MACROD2: variants seen among roughly 807,000 people sequenced by gnomAD.
MACROD2 encodes ADP-ribose glycohydrolase MACROD2.
A neutral mutation model predicts 70.4 loss-of-function variants in MACROD2; 36 were observed. The ratio of observed to expected loss-of-function variants is 0.51; its 90% CI spans 0.39 to 0.68. The LOEUF is 0.68. Among genes scored for constraint, MACROD2 ranks in the 30% least tolerant of loss-of-function variants. The pLI is 0.00. For synonymous variants in MACROD2, 172 were observed against 178.8 expected, an observed-to-expected ratio of 0.96 and a Z score of 0.30; for missense variants, 496 against 538.4, an observed-to-expected ratio of 0.92 and a Z score of 0.78.
At chr20:15,458,739 G>A (rs1170233701) in intron 7 of MACROD2, among the ~76,000 whole-genome samples, 1 of 151,576 alleles carries the variant, frequency 6.6e-6, no homozygotes, top group African/African-American at 2.4e-5. Flanking sequence ...AAAGTTCCAT[G>A]GGTATTTCCA....
At chr20:15,145,526 A>G (rs1305155442) in intron 5 of MACROD2, among the ~76,000 whole-genome samples, 3 of 152,138 alleles carry the variant, frequency 2.0e-5, no homozygotes, top group Non-Finnish European at 4.4e-5. Context: ...TATTCCAAAG[A>G]CATCTAAATA....
chr20:15,172,267 A>T (rs912905982), intron 5 of MACROD2, among the ~76,000 whole-genome samples: 1 of 152,186 alleles, frequency 6.6e-6, no homozygotes, highest in Non-Finnish European at 1.5e-5. Flanking sequence ...GGAAAAAAAA[A>T]TGGAGGTTGG....
chr20:16,011,622 G>A (rs1265370115), intron 15 of MACROD2, among the ~76,000 whole-genome samples: 1 of 147,664 alleles, frequency 6.8e-6, no homozygotes, highest in African/African-American at 2.5e-5. Context: ...CCCAGCTCAA[G>A]CGCAAGCCCG....
chr20:14,525,196 A>G (rs909547778), intron 4 of MACROD2, among the ~76,000 whole-genome samples: 2 of 152,192 alleles, frequency 1.3e-5, no homozygotes, highest in African/African-American at 4.8e-5. Flanking sequence ...TCTAATTACC[A>G]TGTATAATAG....
chr20:15,781,476 C>T (rs2051830033), intron 8 of MACROD2, among the ~76,000 whole-genome samples: 1 of 152,050 alleles, frequency 6.6e-6, no homozygotes, highest in Non-Finnish European at 1.5e-5. Flanking sequence ...GCTGGGAAGT[C>T]CAAGATCAAG....
chr20:15,644,789 A>G (rs993050693), intron 8 of MACROD2, among the ~76,000 whole-genome samples: 10 of 152,154 alleles, frequency 6.6e-5, no homozygotes, highest in Admixed American at 2.0e-4. Flanking sequence ...TCCCAGGCTC[A>G]AGTGATTCTC....
chr20:14,204,881 T>TA (rs1319017089), intron 3 of MACROD2, among the ~76,000 whole-genome samples: 1 of 152,208 alleles, frequency 6.6e-6, no homozygotes, highest in African/African-American at 2.4e-5. Context: ...TTATCATTTT[T>TA]TAAAGAACTG....
chr20:15,738,728 G>T (rs1226019559), intron 8 of MACROD2, among the ~76,000 whole-genome samples: 1 of 152,106 alleles, frequency 6.6e-6, no homozygotes, highest in Non-Finnish European at 1.5e-5. Flanking sequence ...AATCCCAGAA[G>T]TTGAGGCACA....
chr20:15,367,904 T>A (rs898790779), intron 6 of MACROD2, among the ~76,000 whole-genome samples: 3 of 152,160 alleles, frequency 2.0e-5, no homozygotes, highest in Non-Finnish European at 4.4e-5. Context: ...TTTTATATAT[T>A]TTTTTCAATT....
At chr20:14,925,754 T>C (rs1011956233) in intron 5 of MACROD2, among the ~76,000 whole-genome samples, 3 of 152,232 alleles carry the variant, frequency 2.0e-5, no homozygotes, top group Non-Finnish European at 4.4e-5. Context: ...ATGACCTTTT[T>C]ATGTTTATTG....
chr20:15,328,758 A>T (rs1222040047), intron 6 of MACROD2, among the ~76,000 whole-genome samples: 1 of 152,168 alleles, frequency 6.6e-6, no homozygotes, highest in Non-Finnish European at 1.5e-5. Flanking sequence ...GTTTTACTGA[A>T]TGTATCGAAA....
chr20:14,314,403 A>G (rs1353419134), intron 3 of MACROD2, among the ~76,000 whole-genome samples: 6 of 152,142 alleles, frequency 3.9e-5, no homozygotes, highest in Admixed American at 6.6e-5. Context: ...TTGTCATTCC[A>G]TATTGAAGTG....
At chr20:14,236,282 C>A (rs887964878) in intron 3 of MACROD2, among the ~76,000 whole-genome samples, 4 of 151,940 alleles carry the variant, frequency 2.6e-5, no homozygotes, top group African/African-American at 9.7e-5. Flanking sequence ...TATTCATGAT[C>A]GATTAAGTGA....
intron 4 of MACROD2, among the ~76,000 whole-genome samples, chr20:14,650,044 G>C (rs1450707372): frequency 6.6e-6 from 1 of 152,170 alleles, no homozygotes; most frequent in Non-Finnish European, 1.5e-5. Context: ...AATGGGAGCA[G>C]GAGGCAGAAG....
intron 3 of MACROD2, among the ~76,000 whole-genome samples, chr20:14,111,562 A>G (rs1212997026): frequency 2.0e-5 from 3 of 152,068 alleles, no homozygotes; most frequent in African/African-American, 7.2e-5. Flanking sequence ...GTGAATAGAC[A>G]TTTCTCAAAA....
intron 8 of MACROD2, among the ~76,000 whole-genome samples, chr20:15,519,666 G>A (rs1371109330): frequency 6.6e-6 from 1 of 152,206 alleles, no homozygotes; most frequent in Non-Finnish European, 1.5e-5. Flanking sequence ...GGAAATAAAA[G>A]AGATGGAGTC....
intron 5 of MACROD2, among the ~76,000 whole-genome samples, chr20:14,854,941 G>A (rs757973512): frequency 9.9e-5 from 15 of 151,998 alleles, no homozygotes; most frequent in Non-Finnish European, 1.8e-4. Flanking sequence ...GCGTGAACCC[G>A]GCAGACGGAG....
At chr20:15,407,995 A>G (rs1600369286) in intron 6 of MACROD2, among the ~76,000 whole-genome samples, 2 of 152,194 alleles carry the variant, frequency 1.3e-5, no homozygotes, top group South Asian at 4.1e-4. Context: ...ATGCTGCGAA[A>G]TCAGCTTCAG....
chr20:14,526,278 A>G (rs989950199), intron 4 of MACROD2, among the ~76,000 whole-genome samples: 7 of 151,916 alleles, frequency 4.6e-5, no homozygotes, highest in African/African-American at 1.5e-4. Flanking sequence ...TTATTTTTCA[A>G]TTAAAATAGG....
Sources: gnomAD v4.1 joint callset for allele counts (sites outside exome capture counted in the v4.1 genomes callset) on GRCh38, gnomAD v4.1.1 for gene constraint, MANE v1.5 for transcripts, NCBI Gene and HGNC (gene_info 2026-07-23, HGNC 2026-07-21) for gene names.